The following KIF4A variants were observed in gnomAD, a reference collection of about 807,000 sequenced individuals.
KIF4A encodes the protein chromosome-associated kinesin KIF4A.
KIF4A carries 7 observed loss-of-function variants against 105.9 expected under a neutral mutation model. The observed-to-expected ratio is 0.07, with a 90% CI of 0.04 to 0.12. The LOEUF is 0.12. Ranked by LOEUF, KIF4A falls within the 10% of genes least tolerant of loss-of-function variation. The pLI is 1.00. For synonymous variants in KIF4A, 281 were observed against 331.3 expected (o/e 0.85, Z 1.65); for missense variants, 558 against 929.2 (o/e 0.60, Z 5.19).
At chrX:70,371,433 C>A (rs924017145) in intron 15 of KIF4A, among the ~76,000 whole-genome samples, 3 of 111,749 alleles carry the variant, frequency 2.7e-5, no homozygotes, top group Non-Finnish European at 3.8e-5. Context: ...CCTTTCCCCC[C>A]GCTCTATTCC....
chrX:70,337,546 TGTAGTCCC>T lies in KIF4A; in HGVS notation c.1133+3858_1133+3865del, dbSNP rs2085955353. Among the ~76,000 whole-genome samples the T allele has an allele frequency of 2.7e-5, 3 of 110,995 alleles. No homozygotes were observed. In the South Asian group the frequency reaches 1.2e-3, roughly 43 times the overall value. On this transcript the variant is annotated intron_variant, in intron 10 of 30. Coordinates refer to ENST00000374403, the MANE Select transcript of KIF4A (RefSeq NM_012310.5). ...TTAGCTAGGTATGATGGTGTGCACC[TGTAGTCCC>T]AGCTACTTGGGAGGCTGAGTTGGGA... is the stretch of plus-strand genomic sequence containing the variant.
rs2086363905 is a variant in KIF4A at position 70,420,841 on chromosome X, C to T, written c.*576C>T. On this transcript the variant is annotated 3_prime_UTR_variant, in exon 31 of 31. Coordinates refer to ENST00000374403, the MANE Select transcript of KIF4A (RefSeq NM_012310.5). ...TAGCCCGTCTACTGTTTGGGAAGAT[C>T]CTTCTGTGCTAGAGGGAGAAATAAA... 8.9e-6 allele frequency: 1 copy of T among 112,578 alleles called. No homozygotes were observed. The highest frequency in any genetic ancestry group is 1.9e-5 in the Non-Finnish European group (1 of 53,071). The allele number at this position is 112,578 out of a possible 1,213,427, so 9.3% of individuals were successfully genotyped here.
chrX:70,303,865 A>G (rs2060918167), intron 7 of KIF4A, among the ~76,000 whole-genome samples: 1 of 109,367 alleles, frequency 9.1e-6, no homozygotes, highest in Admixed American at 9.7e-5. Flanking sequence ...GTCACTCCCC[A>G]TTCCCACCCC....
intron 28 of KIF4A, among the ~76,000 whole-genome samples, chrX:70,416,627 CA>C (rs924081798): frequency 2.7e-5 from 3 of 111,752 alleles, no homozygotes; most frequent in Non-Finnish European, 5.6e-5. Context: ...TGAGCCACCG[CA>C]CGGTCTACTT....
chrX:70,301,882 T>A lies in KIF4A; in HGVS notation c.517-18T>A. ...TGAAGTATAAATCATAAGGGAATTT[T>A]CTCTTTCTTGCAATTAGATTGTGGG... On this transcript the variant is annotated intron_variant, in intron 5 of 30. Transcript: ENST00000374403. 1 of 1,203,762 alleles carries A rather than the reference T, an allele frequency of 8.3e-7. No individual in the cohort carries two copies.
At chrX:70,376,041 G>T in intron 17 of KIF4A, 59 bp from the exon 18 acceptor site, 1 of 802,883 alleles carries the variant, frequency 1.2e-6, no homozygotes, top group Non-Finnish European at 1.8e-6. Flanking sequence ...CTATCCATCC[G>T]CACCAGCCTA....
intron 29 of KIF4A, among the ~76,000 whole-genome samples, chrX:70,418,941 C>T (rs1413567506): frequency 9.0e-6 from 1 of 111,001 alleles, no homozygotes; most frequent in East Asian, 2.8e-4. Context: ...AAAAATTAGC[C>T]AGGCGTGGTA....
intron 18 of KIF4A, among the ~76,000 whole-genome samples, chrX:70,376,877 A>G (rs2086177144): frequency 1.8e-5 from 2 of 112,013 alleles, no homozygotes; most frequent in South Asian, 7.5e-4. Flanking sequence ...GGAATAATGT[A>G]TAGAGCAAAC....
At chrX:70,290,359 T>G in intron 1 of KIF4A, 79 bp from the exon 2 acceptor site, 1 of 1,101,307 alleles carries the variant, frequency 9.1e-7, no homozygotes, top group Non-Finnish European at 1.2e-6. Context: ...CTGAGGAGGG[T>G]CGGAACCGGG....
chrX:70,349,625 C>T (rs1203857334), intron 13 of KIF4A, among the ~76,000 whole-genome samples: 11 of 95,365 alleles, frequency 1.2e-4, no homozygotes, highest in African/African-American at 4.4e-4. Context: ...GGTGGCCGGG[C>T]AGAGGCGCTC....
intron 7 of KIF4A, among the ~76,000 whole-genome samples, chrX:70,315,316 G>C (rs1303553464): frequency 8.9e-6 from 1 of 111,941 alleles, no homozygotes; most frequent in Non-Finnish European, 1.9e-5. Flanking sequence ...AATGTCAGCA[G>C]ATATACCCTG....
intron 18 of KIF4A, among the ~76,000 whole-genome samples, chrX:70,378,519 G>C (rs764110632): frequency 9.2e-6 from 1 of 109,086 alleles, no homozygotes; most frequent in Non-Finnish European, 1.9e-5. Flanking sequence ...ACCTGAGGTC[G>C]GGAGTTCGAG....
intron 18 of KIF4A, among the ~76,000 whole-genome samples, chrX:70,382,388 G>A (rs1423144107): frequency 2.7e-5 from 3 of 112,239 alleles, no homozygotes; most frequent in Admixed American, 1.9e-4. Context: ...CTGAGATCAC[G>A]CCCCTGCACT....
At chrX:70,308,559 A>G (rs1276959077) in intron 7 of KIF4A, among the ~76,000 whole-genome samples, 1 of 112,255 alleles carries the variant, frequency 8.9e-6, no homozygotes, top group Non-Finnish European at 1.9e-5. Flanking sequence ...CATGCTACAC[A>G]TATTGTTTTT....
At chrX:70,347,314 C>T (rs58062974) in intron 13 of KIF4A, among the ~76,000 whole-genome samples, 15,041 of 111,183 alleles carry the variant, frequency 0.14, 1,560 homozygotes, top group African/African-American at 0.36. Flanking sequence ...GTCTTAGAAT[C>T]GGGGGAAAGA....
chrX:70,407,117 T>C (rs1221428542), intron 28 of KIF4A, 42 bp downstream of exon 28: 1 of 1,150,417 alleles, frequency 8.7e-7, no homozygotes, highest in Non-Finnish European at 1.2e-6. Context: ...TTTGTTGTTG[T>C]TGTTTTTGGA....
chrX:70,323,218 T>G (rs1206329612), intron 7 of KIF4A, among the ~76,000 whole-genome samples: 1 of 111,366 alleles, frequency 9.0e-6, no homozygotes, highest in East Asian at 2.8e-4. Flanking sequence ...AAACTTTGTT[T>G]GACCATCTCA....
Position 70,387,306 on chromosome X carries a change from A to C in KIF4A, c.2232+9A>C. The C allele has an allele frequency of 9.0e-7, 1 of 1,116,147 alleles. No individual in the cohort carries two copies. Among genetic ancestry groups the C allele is most frequent in the South Asian group, 2.0e-5 (1 of 49,235 alleles). 92.0% of individuals were successfully genotyped at this position (1,116,147 alleles called of 1,213,427 possible). A position where few individuals can be genotyped will look rare whatever the true frequency, so the allele number is the denominator to read the frequency against. On this transcript the variant is annotated intron_variant, in intron 20 of 30. Transcript: ENST00000374403. ...CTGCAGCTCGAGTGAAGGTATGAAC[A>C]ACTTGAACTGCCATTTCTCTTGTGG...
At chrX:70,404,143 C>A in intron 24 of KIF4A, 109 bp downstream of exon 24, 2 of 910,374 alleles carry the variant, frequency 2.2e-6, no homozygotes, top group Non-Finnish European at 1.5e-6. Context: ...GTCCACGTGG[C>A]CTTTTCTAAA....
Sources: gnomAD v4.1 joint callset for allele counts (sites outside exome capture counted in the v4.1 genomes callset) on GRCh38, gnomAD v4.1.1 for gene constraint, MANE v1.5 for transcripts, NCBI Gene and HGNC (gene_info 2026-07-23, HGNC 2026-07-21) for gene names.